Variants in IGF2BP3 observed in about 807,000 individuals in gnomAD.
IGF2BP3 encodes insulin-like growth factor 2 mRNA-binding protein 3.
IGF2BP3 carries 9 observed loss-of-function variants against 73.8 expected under a neutral mutation model. The observed-to-expected ratio is 0.12, with a 90% CI of 0.07 to 0.21. IGF2BP3 has a LOEUF of 0.21. IGF2BP3 is among the 10% of genes least tolerant of loss of function. The probability of loss-of-function intolerance (pLI) is 1.00; values close to 1 mark genes in which losing one functional copy is unlikely to be tolerated. For synonymous variants in IGF2BP3, 258 were observed against 256.7 expected (o/e 1.01, Z -0.05); for missense variants, 542 against 714.0 (o/e 0.76, Z 2.75).
In IGF2BP3 at chr7:23,377,839, C is replaced by T. The variant is rs893627784; in HGVS notation, c.286-16098G>A. On this transcript the variant is annotated intron_variant, in intron 3 of 14. Transcript: ENST00000258729. ...AAAATATTATGCTAAGTGAAGGAAG[C>T]CAGACATAAAAGGCCACATATATAT... 7.9e-5 allele frequency among the ~76,000 whole-genome samples: 12 copies of T among 152,062 alleles called. 1 individual carries two copies. The highest frequency in any genetic ancestry group is 7.9e-4 in the Admixed American group (12 of 15,264).
chr7:23,458,246 T>C (rs1239994361), intron 2 of IGF2BP3, among the ~76,000 whole-genome samples: 1 of 152,122 alleles, frequency 6.6e-6, no homozygotes, highest in Non-Finnish European at 1.5e-5. Flanking sequence ...AGCCCAGATC[T>C]AGACCTCATA....
At chr7:23,329,735 T>C (rs570745765) in intron 10 of IGF2BP3, among the ~76,000 whole-genome samples, 21 of 152,358 alleles carry the variant, frequency 1.4e-4, no homozygotes, top group Middle Eastern at 3.4e-3. Context: ...AGCAGCCATG[T>C]GGCAAGATCA....
chr7:23,460,531 CA>C (rs11292731), intron 2 of IGF2BP3, among the ~76,000 whole-genome samples: 55,845 of 140,768 alleles, frequency 0.4, 11,206 homozygotes, highest in African/African-American at 0.53. Context: ...AACTCCATCT[CA>C]AAAAAAAAAA....
At chr7:23,375,240 C>T (rs962888339) in intron 3 of IGF2BP3, among the ~76,000 whole-genome samples, 1 of 152,148 alleles carries the variant, frequency 6.6e-6, no homozygotes, top group African/African-American at 2.4e-5. Flanking sequence ...TACCCTCCCC[C>T]ACCACCCCAA....
At chr7:23,453,952 A>G (rs879005836) in intron 2 of IGF2BP3, among the ~76,000 whole-genome samples, 1 of 152,062 alleles carries the variant, frequency 6.6e-6, no homozygotes, top group Admixed American at 6.5e-5. Flanking sequence ...TCAGCCCCCC[A>G]GTTAGCTGGG....
chr7:23,347,479 T>C, intron 7 of IGF2BP3, 121 bp downstream of exon 7: 1 of 997,294 alleles, frequency 1.0e-6, no homozygotes, highest in Non-Finnish European at 1.5e-6. Flanking sequence ...CCAACCACTG[T>C]AGCTCATCAG....
chr7:23,463,355 T>A (rs12534093), intron 2 of IGF2BP3, among the ~76,000 whole-genome samples: 27,738 of 152,190 alleles, frequency 0.18, 2,890 homozygotes, highest in South Asian at 0.3. Context: ...CATAATAGTT[T>A]CAAAGCGTGG....
rs948084268 is a variant in IGF2BP3, at chr7:23,320,891, A to T, written c.1204-1637T>A. On this transcript the variant is annotated intron_variant, in intron 10 of 14. Transcript: ENST00000258729. ...CTTGAGCCCAGGTGGTTCAGGATGC[A>T]GTGAGCTGAGATCACACCACTGCTC... is the stretch of plus-strand genomic sequence containing the variant. Among the ~76,000 whole-genome samples, 11 of 146,592 alleles carry T rather than the reference A, an allele frequency of 7.5e-5. No individual in the cohort carries two copies. In the East Asian group the frequency reaches 2.0e-3, roughly 27 times the overall value.
chr7:23,347,142 G>A (rs770356179), intron 7 of IGF2BP3, among the ~76,000 whole-genome samples: 9 of 152,252 alleles, frequency 5.9e-5, no homozygotes, highest in Non-Finnish European at 1.0e-4. Flanking sequence ...AAGAAATAGA[G>A]TTCCCGCCTG....
chr7:23,468,390 T>TA, intron 2 of IGF2BP3, 92 bp downstream of exon 2: 2 of 1,291,536 alleles, frequency 1.5e-6, no homozygotes, highest in Non-Finnish European at 2.3e-6. Flanking sequence ...CGGCAGGGGG[T>TA]AAGCACCAGA....
In IGF2BP3 at chr7:23,469,958, G is replaced by C. The variant is rs371773798; in HGVS notation, c.153C>G (p.Leu51=). The C allele has an allele frequency of 1.1e-5, 17 of 1,611,196 alleles. No homozygotes were observed. The highest frequency in any genetic ancestry group is 6.8e-6 in the Non-Finnish European group (8 of 1,179,326). The change falls in exon 1 of 15, where the codon CTC becomes CTG. Residue 51 remains leucine, a synonymous_variant. Transcript: ENST00000258729. This position sits in a 1 kb window ranked among gnomAD's most constrained non-coding sequence, Gnocchi z 6.1. ...FVDCPDESWA[L]KAIEALSGKI... ...CACCTGAAAGCGCCTCGATGGCCTT[G>C]AGGGCCCAGCTCTCGTCCGGGCAGT...
At position 23,310,438 on chromosome 7, in the gene IGF2BP3, C is replaced by A. The variant is rs1783796742; in HGVS notation, c.*1924G>T. The A allele has an allele frequency of 6.6e-6, 1 of 152,066 alleles. No individual in the cohort carries two copies. Among genetic ancestry groups the A allele is most frequent in the Non-Finnish European group, 1.5e-5 (1 of 68,022 alleles). The allele number at this position is 152,066 out of a possible 1,614,324, so 9.4% of individuals were successfully genotyped here. A position where few individuals can be genotyped will look rare whatever the true frequency, so the allele number is the denominator to read the frequency against. ...GAAGTGAAATATGACAGAATTTAAA[C>A]CAGCAGATATAAATGCAGCACCTAT... On this transcript the variant is annotated 3_prime_UTR_variant, in exon 15 of 15. Transcript: ENST00000258729.
At chr7:23,425,010 A>T (rs1427900695) in intron 2 of IGF2BP3, among the ~76,000 whole-genome samples, 1 of 152,236 alleles carries the variant, frequency 6.6e-6, no homozygotes, top group Admixed American at 6.5e-5. Flanking sequence ...ACTCCAGTAA[A>T]CAACAATGAA....
At chr7:23,331,838 T>TCCC (rs1784451585) in intron 10 of IGF2BP3, among the ~76,000 whole-genome samples, 1 of 140,222 alleles carries the variant, frequency 7.1e-6, no homozygotes, top group Non-Finnish European at 1.5e-5. Flanking sequence ...CCAGCCTGGG[T>TCCC]GACAGAGCGA....
intron 2 of IGF2BP3, among the ~76,000 whole-genome samples, chr7:23,427,467 T>C (rs1283726337): frequency 6.6e-6 from 1 of 152,140 alleles, no homozygotes; most frequent in East Asian, 1.9e-4. Flanking sequence ...GAGTCCAGGC[T>C]GGGCACAGTG....
At chr7:23,418,158 C>T (rs1040888743) in intron 3 of IGF2BP3, among the ~76,000 whole-genome samples, 7 of 152,182 alleles carry the variant, frequency 4.6e-5, no homozygotes, top group Non-Finnish European at 1.0e-4. Flanking sequence ...AGTTTCTCTG[C>T]ACCACCCTCT....
chr7:23,462,048 T>C (rs1788461018), intron 2 of IGF2BP3, among the ~76,000 whole-genome samples: 1 of 152,312 alleles, frequency 6.6e-6, no homozygotes, highest in Middle Eastern at 3.4e-3. Context: ...AAGGTATCAT[T>C]TGGAGAAAGG....
Position 23,364,372 on chromosome 7 carries a change from T to TA in IGF2BP3, c.286-2632dup, listed in dbSNP as rs531768838. 0.011 allele frequency among the ~76,000 whole-genome samples: 1,507 copies of TA among 138,018 alleles called. 52 individuals carry two copies. In the East Asian group the frequency reaches 0.12, roughly 11 times the overall value. The allele number at this position is 138,018 out of a possible 152,430, so 90.5% of individuals were successfully genotyped here. On this transcript the variant is annotated intron_variant, in intron 3 of 14. Transcript: ENST00000258729. ...CTGGGCAACAGAGCAAGACTCCATC[T>TA]AAAAAAAAAAAGAAAAAACAACAAA...
At chr7:23,417,869 A>G (rs1418674832) in intron 3 of IGF2BP3, among the ~76,000 whole-genome samples, 1 of 152,222 alleles carries the variant, frequency 6.6e-6, no homozygotes, top group African/African-American at 2.4e-5. Context: ...TATATTCAGC[A>G]TATACCAAAA....
Sources: allele counts gnomAD v4.1 joint callset (sites outside exome capture counted in the v4.1 genomes callset), GRCh38; gene constraint gnomAD v4.1.1; non-coding constraint Gnocchi (gnomAD v3.1); transcripts MANE v1.5; gene names NCBI Gene and HGNC (gene_info 2026-07-23, HGNC 2026-07-21).